Variants in PRKN observed in about 807,000 individuals in gnomAD.
PRKN encodes parkin RBR E3 ubiquitin protein ligase.
A neutral mutation model predicts 59.5 loss-of-function variants in PRKN; 56 were observed. That is an observed-to-expected ratio of 0.94 (90% CI 0.76 to 1.18). The LOEUF is 1.18. Among genes scored for constraint, PRKN ranks in the 50% most tolerant of loss-of-function variants. The pLI is 0.00. For missense variants in PRKN, 657 were observed against 596.4 expected, an observed-to-expected ratio of 1.10 and a Z score of -1.06; for synonymous variants, 250 against 222.1, an observed-to-expected ratio of 1.13 and a Z score of -1.12.
intron 1 of PRKN, among the ~76,000 whole-genome samples, chr6:162,470,582 C>T (rs1469835505): frequency 6.7e-6 from 1 of 148,566 alleles, no homozygotes; most frequent in African/African-American, 2.4e-5. Flanking sequence ...CACTGCGAAA[C>T]TCTGTCTCAA....
At chr6:161,614,108 T>C (rs1247486070) in intron 7 of PRKN, among the ~76,000 whole-genome samples, 2 of 152,132 alleles carry the variant, frequency 1.3e-5, no homozygotes, top group Non-Finnish European at 2.9e-5. Flanking sequence ...TTCTCCTGCT[T>C]CCCCTCCATC....
chr6:162,680,529 G>A (rs1306506509), intron 1 of PRKN, among the ~76,000 whole-genome samples: 1 of 151,980 alleles, frequency 6.6e-6, no homozygotes, highest in African/African-American at 2.4e-5. Context: ...AGTAATGAGA[G>A]AGCAATAAGT....
intron 2 of PRKN, among the ~76,000 whole-genome samples, chr6:162,320,868 C>T (rs1782991715): frequency 6.6e-6 from 1 of 151,662 alleles, no homozygotes; most frequent in South Asian, 2.1e-4. Context: ...CATAACATAA[C>T]AAAATTTAGG....
intron 3 of PRKN, among the ~76,000 whole-genome samples, chr6:162,260,080 A>C (rs1779821311): frequency 6.6e-6 from 1 of 152,160 alleles, no homozygotes; most frequent in South Asian, 2.1e-4. Flanking sequence ...TTTTAGTAGC[A>C]GCATGTAGGG....
rs1195950629 is a variant in PRKN at position 161,484,278 on chromosome 6, T to C, written c.1083+64576A>G. Among the ~76,000 whole-genome samples, 1 of 152,160 alleles carries C rather than the reference T, an allele frequency of 6.6e-6. No individual in the cohort carries two copies. Among genetic ancestry groups the C allele is most frequent in the African/African-American group, 2.4e-5 (1 of 41,442 alleles). ...TGCACATGGCCATTTTCTGAACTCC[T>C]ATAACTGGCTTTTGAACCAAAGTCC... On this transcript the variant is annotated intron_variant, in intron 9 of 11. Transcript: ENST00000366898. The surrounding 1 kb of genome is among the most constrained non-coding windows in gnomAD (Gnocchi z 4.9).
intron 2 of PRKN, among the ~76,000 whole-genome samples, chr6:162,277,270 A>C (rs1446259963): frequency 6.6e-6 from 1 of 152,164 alleles, no homozygotes; most frequent in East Asian, 1.9e-4. Context: ...CTGCAATGGG[A>C]GATTCGGCAG....
At chr6:162,271,623 A>G (rs1388306887) in intron 2 of PRKN, 8 of 152,196 alleles carry the variant, frequency 5.3e-5, no homozygotes, top group Non-Finnish European at 1.2e-4. Flanking sequence ...ACTGCTAACA[A>G]TGAAATGTGT....
intron 9 of PRKN, among the ~76,000 whole-genome samples, chr6:161,426,933 A>G (rs1012704581): frequency 6.6e-6 from 1 of 151,914 alleles, no homozygotes; most frequent in Non-Finnish European, 1.5e-5. Flanking sequence ...GTTAGCCAGG[A>G]TGGTCTCGAT....
At position 161,561,165 on chromosome 6, in the gene PRKN, G is replaced by C. The variant is rs549889169; in HGVS notation, c.933+8190C>G. 2.6e-5 allele frequency among the ~76,000 whole-genome samples: 4 copies of C among 152,306 alleles called. No homozygotes were observed. Among genetic ancestry groups the C allele is most frequent in the South Asian group, 4.1e-4 (2 of 4,828 alleles). ...AAATAAAAAAGATGAAATGAGGATA[G>C]TTACAAAAGCATAGGAGATAGAAGT... is the stretch of plus-strand genomic sequence containing the variant. On this transcript the variant is annotated intron_variant, in intron 8 of 11. Coordinates refer to ENST00000366898, the MANE Select transcript of PRKN (RefSeq NM_004562.3). The surrounding 1 kb of genome is among the most constrained non-coding windows in gnomAD (Gnocchi z 5.0).
At chr6:162,309,260 G>T (rs1057446051) in intron 2 of PRKN, among the ~76,000 whole-genome samples, 6 of 152,146 alleles carry the variant, frequency 3.9e-5, no homozygotes, top group African/African-American at 1.2e-4. Flanking sequence ...CGACTCCCAG[G>T]TTCAAGCGAT....
chr6:162,679,710 T>C (rs991343678), intron 1 of PRKN, among the ~76,000 whole-genome samples: 9 of 152,172 alleles, frequency 5.9e-5, no homozygotes, highest in African/African-American at 2.2e-4. Context: ...TTCCCTGATA[T>C]TATGTTGATA....
chr6:162,680,631 A>C (rs1056877690), intron 1 of PRKN, among the ~76,000 whole-genome samples: 1 of 152,184 alleles, frequency 6.6e-6, no homozygotes. Context: ...TGCAAAAGAT[A>C]AGATCATAAA....
In PRKN at chr6:162,597,302, C is replaced by T. The variant is rs567705261; in HGVS notation, c.7+130360G>A. On this transcript the variant is annotated intron_variant, in intron 1 of 11. Transcript: ENST00000366898. ...TTCTCCTAGGCCAAACCTGGCAAGT[C>T]GTCTATTTTCCTATTCTCCAGGATA... Among the ~76,000 whole-genome samples the T allele has an allele frequency of 2.6e-5, 4 of 152,184 alleles. No individual in the cohort carries two copies. In the South Asian group the frequency reaches 6.2e-4, roughly 24 times the overall value.
At chr6:161,684,943 T>C (rs1785499726) in intron 7 of PRKN, among the ~76,000 whole-genome samples, 1 of 152,192 alleles carries the variant, frequency 6.6e-6, no homozygotes, top group Admixed American at 6.5e-5. Flanking sequence ...TTAAAATTCC[T>C]AGATGAGGGA....
intron 6 of PRKN, among the ~76,000 whole-genome samples, chr6:161,969,098 G>A (rs1780697490): frequency 6.6e-6 from 1 of 152,154 alleles, no homozygotes; most frequent in African/African-American, 2.4e-5. Flanking sequence ...AACATGGGAA[G>A]CCAGATCAGA....
At chr6:161,684,482 T>C (rs931261329) in intron 7 of PRKN, among the ~76,000 whole-genome samples, 1 of 152,190 alleles carries the variant, frequency 6.6e-6, no homozygotes, top group African/African-American at 2.4e-5. Context: ...AAGAAATTTA[T>C]GTCACATGAT....
chr6:162,207,719 C>CT (rs1224575563), intron 3 of PRKN, among the ~76,000 whole-genome samples: 1 of 152,176 alleles, frequency 6.6e-6, no homozygotes, highest in African/African-American at 2.4e-5. Context: ...TCACCTTGAC[C>CT]TTTCTGTACC....
chr6:162,092,247 C>T (rs1349133573), intron 4 of PRKN, among the ~76,000 whole-genome samples: 1 of 151,718 alleles, frequency 6.6e-6, no homozygotes, highest in African/African-American at 2.4e-5. Context: ...CCCAGCTACT[C>T]GGGAGGCTGA....
chr6:162,080,747 A>G (rs892933280), intron 4 of PRKN, among the ~76,000 whole-genome samples: 1 of 152,102 alleles, frequency 6.6e-6, no homozygotes, highest in Non-Finnish European at 1.5e-5. Flanking sequence ...TCTTAAAATA[A>G]GACAACAATG....
Sources: gnomAD v4.1 joint callset for allele counts (sites outside exome capture counted in the v4.1 genomes callset) on GRCh38, gnomAD v4.1.1 for gene constraint, Gnocchi (gnomAD v3.1) non-coding constraint, MANE v1.5 for transcripts, NCBI Gene and HGNC (gene_info 2026-07-23, HGNC 2026-07-21) for gene names.